The following B3GALT1 variants were observed in gnomAD, a reference collection of about 807,000 sequenced individuals.
The protein encoded by B3GALT1 is UDP-Gal:betaGlcNAc beta 1,3-galactosyltransferase, polypeptide 1.
A neutral mutation model predicts 23.2 loss-of-function variants in B3GALT1; 10 were observed. The ratio of observed to expected loss-of-function variants is 0.43; its 90% CI spans 0.27 to 0.73. B3GALT1 has a LOEUF of 0.73. Among genes scored for constraint, B3GALT1 ranks in the 30% least tolerant of loss-of-function variants. B3GALT1 has a pLI of 0.21. For synonymous variants in B3GALT1, 156 were observed against 141.5 expected, an observed-to-expected ratio of 1.10 and a Z score of -0.73; for missense variants, 299 against 405.4, an observed-to-expected ratio of 0.74 and a Z score of 2.25.
chr2:167,360,625 A>G (rs1177867174), intron 1 of B3GALT1, among the ~76,000 whole-genome samples: 2 of 152,170 alleles, frequency 1.3e-5, no homozygotes, highest in Non-Finnish European at 2.9e-5. Context: ...ATAGTTCTAC[A>G]TATTTTGGGG....
At chr2:167,383,112 C>G (rs1697867285) in intron 1 of B3GALT1, among the ~76,000 whole-genome samples, 1 of 151,860 alleles carries the variant, frequency 6.6e-6, no homozygotes, top group African/African-American at 2.4e-5. Context: ...CTCATATATC[C>G]CATAAATATA....
chr2:167,497,143 AAG>A (rs572483822), intron 2 of B3GALT1, among the ~76,000 whole-genome samples: 80 of 152,354 alleles, frequency 5.3e-4, no homozygotes, highest in African/African-American at 1.8e-3. Flanking sequence ...GGTAAACAAA[AAG>A]AGCAATATCT....
intron 1 of B3GALT1, among the ~76,000 whole-genome samples, chr2:167,476,770 A>G (rs1009805200): frequency 6.6e-6 from 1 of 152,232 alleles, no homozygotes; most frequent in Admixed American, 6.5e-5. Flanking sequence ...TTCATCATCT[A>G]TAATTTATTC....
intron 3 of B3GALT1, among the ~76,000 whole-genome samples, chr2:167,774,485 GT>G (rs767692581): frequency 6.7e-5 from 7 of 105,214 alleles, no homozygotes; most frequent in African/African-American, 1.3e-4. Flanking sequence ...TTTTTTTTTT[GT>G]TTTTTTTTTT....
At chr2:167,685,493 A>C (rs1423727054) in intron 3 of B3GALT1, among the ~76,000 whole-genome samples, 2 of 152,200 alleles carry the variant, frequency 1.3e-5, no homozygotes, top group East Asian at 3.8e-4. Flanking sequence ...TTTAGCAAAG[A>C]AGCTCAGGAA....
chr2:167,689,351 C>T (rs1686672835), intron 3 of B3GALT1, among the ~76,000 whole-genome samples: 1 of 151,960 alleles, frequency 6.6e-6, no homozygotes, highest in Non-Finnish European at 1.5e-5. Context: ...TCAAGACATT[C>T]TCAGATCAAG....
At chr2:167,502,595 G>C (rs1217563985) in intron 2 of B3GALT1, among the ~76,000 whole-genome samples, 3 of 152,082 alleles carry the variant, frequency 2.0e-5, no homozygotes, top group Non-Finnish European at 4.4e-5. Context: ...GCTGGAGCAG[G>C]AGAAAGAGAG....
At chr2:167,696,561 T>G (rs905669327) in intron 3 of B3GALT1, among the ~76,000 whole-genome samples, 1 of 152,146 alleles carries the variant, frequency 6.6e-6, no homozygotes, top group East Asian at 1.9e-4. Context: ...TCCTATGTAG[T>G]GTTACTCTCT....
At chr2:167,512,654 TG>T (rs1700042700) in intron 2 of B3GALT1, among the ~76,000 whole-genome samples, 1 of 136,470 alleles carries the variant, frequency 7.3e-6, no homozygotes, top group Non-Finnish European at 1.5e-5. Context: ...ATATATATTT[TG>T]AGATAGGGTC....
chr2:167,776,291 A>AT (rs1688160862), intron 3 of B3GALT1, among the ~76,000 whole-genome samples: 1 of 152,142 alleles, frequency 6.6e-6, no homozygotes, highest in African/African-American at 2.4e-5. Flanking sequence ...CTTCCACACT[A>AT]TTTTTCCTCA....
chr2:167,384,910 TCTC>T (rs925872406), intron 1 of B3GALT1, among the ~76,000 whole-genome samples: 26 of 151,962 alleles, frequency 1.7e-4, no homozygotes, highest in African/African-American at 5.3e-4. Flanking sequence ...AGGAGGTTGG[TCTC>T]CTTTTGTTTT....
intron 2 of B3GALT1, among the ~76,000 whole-genome samples, chr2:167,494,182 A>G (rs777394079): frequency 6.6e-6 from 1 of 152,172 alleles, no homozygotes; most frequent in Non-Finnish European, 1.5e-5. Context: ...AATTGTGTCT[A>G]AGATTACAGC....
chr2:167,714,245 G>T, intron 3 of B3GALT1: 1 of 1,502,616 alleles, frequency 6.7e-7, no homozygotes, highest in Non-Finnish European at 9.3e-7. Flanking sequence ...TCCTGGTGGA[G>T]GAAACATCAT....
intron 2 of B3GALT1, among the ~76,000 whole-genome samples, chr2:167,583,336 G>GA (rs1164079696): frequency 7.3e-5 from 11 of 151,446 alleles, no homozygotes; most frequent in South Asian, 4.2e-4. Flanking sequence ...TACATTTTGG[G>GA]AAAAAAAATG....
At chr2:167,317,328 CAT>C (rs1696735256) in intron 1 of B3GALT1, among the ~76,000 whole-genome samples, 3 of 152,096 alleles carry the variant, frequency 2.0e-5, no homozygotes, top group Admixed American at 2.0e-4. Flanking sequence ...TGAAGGGAAT[CAT>C]GTGCAAATGG....
At chr2:167,731,280 T>G (rs1687405585) in intron 3 of B3GALT1, among the ~76,000 whole-genome samples, 1 of 152,222 alleles carries the variant, frequency 6.6e-6, no homozygotes, top group South Asian at 2.1e-4. Context: ...AATGTTAGCT[T>G]GTAGTCTACT....
intron 3 of B3GALT1, among the ~76,000 whole-genome samples, chr2:167,666,068 C>T (rs963065082): frequency 2.6e-5 from 4 of 151,604 alleles, no homozygotes; most frequent in African/African-American, 7.3e-5. Context: ...ATATTTCCTG[C>T]TTTCTCTTGT....
At chr2:167,559,208 G>A (rs1420037029) in intron 2 of B3GALT1, among the ~76,000 whole-genome samples, 1 of 152,204 alleles carries the variant, frequency 6.6e-6, no homozygotes, top group African/African-American at 2.4e-5. Context: ...ATGGTCTGGA[G>A]TGGACCTCTA....
intron 2 of B3GALT1, among the ~76,000 whole-genome samples, chr2:167,555,647 C>T (rs965273073): frequency 3.3e-5 from 5 of 152,084 alleles, no homozygotes; most frequent in Non-Finnish European, 5.9e-5. Flanking sequence ...GAAAGAAAAG[C>T]AAGAGTGATA....
Sources: allele counts gnomAD v4.1 joint callset (sites outside exome capture counted in the v4.1 genomes callset), GRCh38; gene constraint gnomAD v4.1.1; transcripts MANE v1.5; gene names NCBI Gene and HGNC (gene_info 2026-07-23, HGNC 2026-07-21).